KYNU: variants seen among roughly 807,000 people sequenced by gnomAD.
KYNU encodes the protein kynureninase, also known as L-kynurenine hydrolase.
In KYNU, 54 loss-of-function variants were observed where a neutral mutation model predicts 59.2. That is an observed-to-expected ratio of 0.91 (90% CI 0.73 to 1.14). The LOEUF (loss-of-function observed/expected upper bound fraction) is 1.14, where lower values mean the gene tolerates loss of function less well. Among genes scored for constraint, KYNU ranks in the 50% most tolerant of loss-of-function variants. The pLI, the probability that KYNU is intolerant of heterozygous loss-of-function variation, is 0.00. For synonymous variants in KYNU, 177 were observed against 192.0 expected (o/e 0.92, Z 0.65); for missense variants, 567 against 554.4 (o/e 1.02, Z -0.23).
intron 2 of KYNU, among the ~76,000 whole-genome samples, chr2:142,914,080 C>T (rs138813743): frequency 6.6e-6 from 1 of 152,346 alleles, no homozygotes; most frequent in East Asian, 1.9e-4. Flanking sequence ...TGCGGCTCCA[C>T]TGGGCTTAAG....
In KYNU at chr2:143,055,223, A is replaced by G. The variant is rs1025743654; in HGVS notation, c.*13051A>G. Reference sequence around the variant, plus strand: ...TACAGTTCCATAGGTTAGAAGTTCAACATGGGTCTCATGAGATCAAAAGCA... The same window carrying G: ...TACAGTTCCATAGGTTAGAAGTTCAGCATGGGTCTCATGAGATCAAAAGCA... On this transcript the variant is annotated 3_prime_UTR_variant, in exon 14 of 14. Coordinates refer to ENST00000264170, the MANE Select transcript of KYNU (RefSeq NM_003937.3). 4 of 152,234 alleles carry G rather than the reference A, an allele frequency of 2.6e-5. No homozygotes were observed. Among genetic ancestry groups the G allele is most frequent in the African/African-American group, 9.6e-5 (4 of 41,464 alleles). The allele number at this position is 152,234 out of a possible 1,614,324, so 9.4% of individuals were successfully genotyped here. A position where few individuals can be genotyped will look rare whatever the true frequency, so the allele number is the denominator to read the frequency against.
chr2:142,939,602 C>CAAATAAAAA (rs1683514231), intron 4 of KYNU, among the ~76,000 whole-genome samples: 1 of 65,106 alleles, frequency 1.5e-5, no homozygotes, highest in Non-Finnish European at 2.9e-5. Flanking sequence ...CTCCATCTCA[C>CAAATAAAAA]AAAAAAAAAA....
At chr2:143,006,786 G>A (rs1685919717) in intron 10 of KYNU, among the ~76,000 whole-genome samples, 1 of 151,888 alleles carries the variant, frequency 6.6e-6, no homozygotes, top group East Asian at 1.9e-4. Context: ...GCACCCCCCA[G>A]CAGGAGCACA....
chr2:142,991,991 C>T (rs1054653276), intron 10 of KYNU, among the ~76,000 whole-genome samples: 1 of 151,918 alleles, frequency 6.6e-6, no homozygotes, highest in Non-Finnish European at 1.5e-5. Flanking sequence ...TTCCAAGTAG[C>T]AGCATCTATC....
intron 2 of KYNU, among the ~76,000 whole-genome samples, chr2:142,913,006 C>T (rs561843664): frequency 8.5e-5 from 13 of 152,172 alleles, no homozygotes; most frequent in South Asian, 4.2e-4. Context: ...CCACCGCTCC[C>T]GGCTGGATCT....
intron 8 of KYNU, among the ~76,000 whole-genome samples, chr2:142,983,909 T>C (rs1015672526): frequency 6.6e-6 from 1 of 152,020 alleles, no homozygotes; most frequent in African/African-American, 2.4e-5. Context: ...CTGCATTCAA[T>C]CTCTTTTTTT....
intron 12 of KYNU, among the ~76,000 whole-genome samples, chr2:143,034,906 C>T (rs990432778): frequency 6.6e-6 from 1 of 152,150 alleles, no homozygotes; most frequent in Non-Finnish European, 1.5e-5. Flanking sequence ...TTGCAAATAA[C>T]TTCTCAGACG....
chr2:143,055,683 GAAAGGGAGGA>G lies in KYNU; in HGVS notation c.*13512_*13521del, dbSNP rs1558994353. 1 of 151,928 alleles carries G rather than the reference GAAAGGGAGGA, an allele frequency of 6.6e-6. No homozygotes were observed. Among genetic ancestry groups the G allele is most frequent in the Admixed American group, 6.6e-5 (1 of 15,204 alleles). 9.4% of individuals were successfully genotyped at this position (151,928 alleles called of 1,614,324 possible). A position where few individuals can be genotyped will look rare whatever the true frequency, so the allele number is the denominator to read the frequency against. The stretch of plus-strand genomic sequence containing the variant: ...GGAAGGAAGGAAGGAAGGAAGGAAG[GAAAGGGAGGA>G]GAGGAGAGGAGAGGTAGGAGGGAAG... On this transcript the variant is annotated 3_prime_UTR_variant, in exon 14 of 14. Transcript: ENST00000264170.
At position 142,985,109 on chromosome 2, in the gene KYNU, C is replaced by T; in HGVS notation, c.755C>T (p.Ala252Val). ...GGTTGTTATGTTGGCTTTGATCTAG[C>T]ACATGCAGTTGGAAATGTTGAACTC... ...AKGCYVGFDLAHAVGNVELYL... is the reference protein window; with the variant it reads ...AKGCYVGFDLVHAVGNVELYL... Residue 252 changes from alanine (A) to valine (V), a missense_variant, in exon 9 of 14, where the codon GCA becomes GTA. Ala to Val is a moderately conservative substitution (Grantham distance 64). Transcript: ENST00000264170. 1.9e-6 allele frequency: 3 copies of T among 1,610,110 alleles called. No individual in the cohort carries two copies. Among genetic ancestry groups the T allele is most frequent in the Non-Finnish European group, 2.5e-6 (3 of 1,176,844 alleles).
At chr2:143,002,009 A>G (rs1203137269) in intron 10 of KYNU, among the ~76,000 whole-genome samples, 5 of 152,122 alleles carry the variant, frequency 3.3e-5, no homozygotes, top group African/African-American at 7.2e-5. Flanking sequence ...TAAATGTTCT[A>G]TGGGATTTTA....
intron 8 of KYNU, among the ~76,000 whole-genome samples, chr2:142,966,385 A>T (rs1684537044): frequency 6.6e-6 from 1 of 152,190 alleles, no homozygotes; most frequent in Non-Finnish European, 1.5e-5. Flanking sequence ...AAAGGAATGC[A>T]CACTAACTTC....
At chr2:142,954,710 A>C (rs931201574) in intron 4 of KYNU, 100 bp from the exon 5 acceptor site, 1 of 797,258 alleles carries the variant, frequency 1.3e-6, no homozygotes, top group Non-Finnish European at 2.2e-6. Flanking sequence ...CCTTATCTCT[A>C]AAGACATTAA....
intron 4 of KYNU, among the ~76,000 whole-genome samples, chr2:142,939,206 C>A (rs1454477841): frequency 6.6e-6 from 1 of 151,900 alleles, no homozygotes; most frequent in Non-Finnish European, 1.5e-5. Context: ...TAAACAAAAG[C>A]AAACTCAAGT....
intron 4 of KYNU, among the ~76,000 whole-genome samples, chr2:142,935,306 G>A (rs1353648670): frequency 6.6e-6 from 1 of 152,166 alleles, no homozygotes; most frequent in Non-Finnish European, 1.5e-5. Context: ...GTTTTTCATA[G>A]TTTACTACTC....
chr2:143,025,919 T>A (rs907285163), intron 10 of KYNU, among the ~76,000 whole-genome samples: 8 of 151,438 alleles, frequency 5.3e-5, no homozygotes, highest in Non-Finnish European at 1.0e-4. Flanking sequence ...TTTTAAAAAA[T>A]TAATCATTTG....
intron 2 of KYNU, among the ~76,000 whole-genome samples, chr2:142,887,502 C>T (rs187988765): frequency 9.2e-5 from 14 of 152,248 alleles, no homozygotes; most frequent in African/African-American, 2.6e-4. Context: ...TTAGTACACT[C>T]ATGTTCATCA....
At chr2:142,938,277 TAAAAG>T (rs1292805101) in intron 4 of KYNU, among the ~76,000 whole-genome samples, 12 of 152,272 alleles carry the variant, frequency 7.9e-5, no homozygotes, top group Non-Finnish European at 1.6e-4. Flanking sequence ...TTAAATCTGT[TAAAAG>T]AAAATCCTTA....
chr2:142,913,054 G>A (rs959771505), intron 2 of KYNU, among the ~76,000 whole-genome samples: 1 of 152,022 alleles, frequency 6.6e-6, no homozygotes, highest in African/African-American at 2.4e-5. Flanking sequence ...TGTCATCTTT[G>A]TTGTTTCTGA....
chr2:143,003,409 C>CA (rs900383837), intron 10 of KYNU, among the ~76,000 whole-genome samples: 8 of 151,356 alleles, frequency 5.3e-5, no homozygotes, highest in African/African-American at 1.2e-4. Flanking sequence ...ACTAACAATA[C>CA]AAAAAATCAT....
Sources: gnomAD v4.1 joint callset for allele counts (sites outside exome capture counted in the v4.1 genomes callset) on GRCh38, gnomAD v4.1.1 for gene constraint, MANE v1.5 for transcripts, NCBI Gene and HGNC (gene_info 2026-07-23, HGNC 2026-07-21) for gene names.